Variants in CCDC7 observed in about 807,000 individuals in gnomAD.
CCDC7 encodes coiled-coil domain containing 7.
A neutral mutation model predicts 196.9 loss-of-function variants in CCDC7; 183 were observed. That is an observed-to-expected ratio of 0.93 (90% confidence interval 0.82 to 1.05). The LOEUF (loss-of-function observed/expected upper bound fraction) is 1.05. CCDC7 is among the 50% of genes least tolerant of loss of function. The pLI, the probability that CCDC7 is intolerant of heterozygous loss-of-function variation, is 0.00. For missense variants in CCDC7, 1,540 were observed against 1,482.2 expected (o/e 1.04, Z -0.64); for synonymous variants, 525 against 484.6 (o/e 1.08, Z -1.10).
intron 18 of CCDC7, among the ~76,000 whole-genome samples, chr10:32,606,799 A>G (rs1335609336): frequency 6.6e-6 from 1 of 152,192 alleles, no homozygotes; most frequent in African/African-American, 2.4e-5. Context: ...ATAGAAGGAA[A>G]TTGGCTTGAG....
At chr10:32,864,271 A>G (rs1270362143) in intron 41 of CCDC7, among the ~76,000 whole-genome samples, 1 of 151,836 alleles carries the variant, frequency 6.6e-6, no homozygotes, top group East Asian at 1.9e-4. Context: ...AAGAAAGAGA[A>G]TAACAACTGT....
intron 18 of CCDC7, among the ~76,000 whole-genome samples, chr10:32,616,706 A>G (rs546695613): frequency 6.6e-6 from 1 of 151,982 alleles, no homozygotes; most frequent in African/African-American, 2.4e-5. Context: ...TATGTTAAAT[A>G]AGAGTGGTAA....
At chr10:32,785,904 C>T (rs1218316649) in intron 29 of CCDC7, among the ~76,000 whole-genome samples, 3 of 152,180 alleles carry the variant, frequency 2.0e-5, no homozygotes, top group South Asian at 2.1e-4. Flanking sequence ...AGCTAGTCTT[C>T]GAGCTCTGAG....
At chr10:32,504,412 C>T (rs1229332394) in intron 9 of CCDC7, among the ~76,000 whole-genome samples, 1 of 152,146 alleles carries the variant, frequency 6.6e-6, no homozygotes, top group Admixed American at 6.5e-5. Context: ...CATGCCCGGC[C>T]TATTTCTGCT....
At chr10:32,561,797 A>G (rs989299808) in intron 13 of CCDC7, among the ~76,000 whole-genome samples, 2 of 152,300 alleles carry the variant, frequency 1.3e-5, no homozygotes, top group East Asian at 1.9e-4. Flanking sequence ...AAATAAGTAA[A>G]ATCAGAGCAG....
chr10:32,692,896 G>C (rs1025144509), intron 23 of CCDC7, among the ~76,000 whole-genome samples: 5 of 152,084 alleles, frequency 3.3e-5, no homozygotes, highest in Admixed American at 1.3e-4. Context: ...CAAACAAGAA[G>C]CTGTTTTCCA....
intron 23 of CCDC7, among the ~76,000 whole-genome samples, chr10:32,694,346 A>G (rs2077437944): frequency 6.6e-6 from 1 of 152,290 alleles, no homozygotes; most frequent in Non-Finnish European, 1.5e-5. Flanking sequence ...TTTTGTTACC[A>G]AAAAAATACT....
At chr10:32,454,629 C>G (rs1313636220) in intron 2 of CCDC7, among the ~76,000 whole-genome samples, 1 of 152,102 alleles carries the variant, frequency 6.6e-6, no homozygotes, top group Admixed American at 6.5e-5. Flanking sequence ...GTTCACTTTC[C>G]TGTGGTCTCC....
chr10:32,484,214 G>C (rs568994476), intron 8 of CCDC7, among the ~76,000 whole-genome samples: 46 of 152,154 alleles, frequency 3.0e-4, no homozygotes, highest in African/African-American at 1.0e-3. Flanking sequence ...TCCTTCACAT[G>C]CCCTGTAAGT....
intron 22 of CCDC7, among the ~76,000 whole-genome samples, chr10:32,687,001 G>T (rs79501297): frequency 0.041 from 6,309 of 152,286 alleles, 131 homozygotes; most frequent in Middle Eastern, 0.058. Flanking sequence ...CTGATCATCT[G>T]TGTGGACAGG....
intron 30 of CCDC7, among the ~76,000 whole-genome samples, chr10:32,806,165 C>T (rs1592950151): frequency 6.6e-6 from 1 of 152,058 alleles, no homozygotes; most frequent in Non-Finnish European, 1.5e-5. Context: ...AACATACAAA[C>T]CATATCACAG....
At chr10:32,764,398 G>T (rs2077941035) in intron 28 of CCDC7, among the ~76,000 whole-genome samples, 1 of 151,806 alleles carries the variant, frequency 6.6e-6, no homozygotes, top group South Asian at 2.1e-4. Flanking sequence ...ATAGGATGAA[G>T]ATGAAAAGAA....
At chr10:32,721,380 A>G (rs1010441962) in intron 25 of CCDC7, among the ~76,000 whole-genome samples, 2 of 152,138 alleles carry the variant, frequency 1.3e-5, no homozygotes, top group African/African-American at 2.4e-5. Flanking sequence ...TTGGTGCACA[A>G]AGAAGTTGCT....
At chr10:32,873,510 C>T (rs532560325) in intron 41 of CCDC7, among the ~76,000 whole-genome samples, 17 of 151,872 alleles carry the variant, frequency 1.1e-4, no homozygotes, top group African/African-American at 3.1e-4. Flanking sequence ...GTAGTTTGAT[C>T]GTCTGAAGCC....
At chr10:32,728,354 G>GT (rs995892760) in intron 26 of CCDC7, among the ~76,000 whole-genome samples, 1 of 152,060 alleles carries the variant, frequency 6.6e-6, no homozygotes, top group African/African-American at 2.4e-5. Context: ...TAGCTGTTTA[G>GT]AAGTAACAGC....
At chr10:32,544,113 T>G in intron 12 of CCDC7, 134 bp from the exon 14 acceptor site, 1 of 641,448 alleles carries the variant, frequency 1.6e-6, no homozygotes, top group Non-Finnish European at 2.5e-6. Flanking sequence ...ATGAATTTTA[T>G]GTCTCTTAGA....
chr10:32,464,232 C>A (rs990472127), intron 5 of CCDC7, among the ~76,000 whole-genome samples: 3 of 152,090 alleles, frequency 2.0e-5, no homozygotes, highest in Non-Finnish European at 2.9e-5. Flanking sequence ...CTAATTTAGG[C>A]AACTTATTCT....
chr10:32,765,115 T>G (rs2133946005), intron 28 of CCDC7, among the ~76,000 whole-genome samples: 1 of 152,060 alleles, frequency 6.6e-6, no homozygotes, highest in South Asian at 2.1e-4. Flanking sequence ...TGATCAAGTT[T>G]ACAGACCCAG....
chr10:32,685,877 G>T, intron 21 of CCDC7, 93 bp from the exon 23 acceptor site: 1 of 681,002 alleles, frequency 1.5e-6, no homozygotes, highest in Non-Finnish European at 2.5e-6. Flanking sequence ...GACTGAGAAT[G>T]CTCATGTAAA....
Sources: gnomAD v4.1 joint callset for allele counts (sites outside exome capture counted in the v4.1 genomes callset) on GRCh38, gnomAD v4.1.1 for gene constraint, MANE v1.5 for transcripts, NCBI Gene and HGNC (gene_info 2026-07-23, HGNC 2026-07-21) for gene names.